The following PLCXD3 variants were observed in gnomAD, a reference collection of about 807,000 sequenced individuals.
The protein encoded by PLCXD3 is phosphatidylinositol specific phospholipase C X domain containing 3.
A neutral mutation model predicts 25.5 loss-of-function variants in PLCXD3; 19 were observed. That is an observed-to-expected ratio of 0.75 (90% confidence interval 0.52 to 1.09). The LOEUF is 1.09. PLCXD3 is among the 50% of genes least tolerant of loss of function. The pLI is 0.00. For synonymous variants in PLCXD3, 174 were observed against 137.6 expected, an observed-to-expected ratio of 1.26 and a Z score of -1.85; for missense variants, 411 against 388.1, an observed-to-expected ratio of 1.06 and a Z score of -0.50.
At chr5:41,407,118 A>G (rs1438963520) in intron 1 of PLCXD3, among the ~76,000 whole-genome samples, 1 of 151,880 alleles carries the variant, frequency 6.6e-6, no homozygotes, top group Non-Finnish European at 1.5e-5. Flanking sequence ...ATCCCTAAGC[A>G]TGGCCCTTTG....
At chr5:41,489,636 G>A (rs558035035) in intron 1 of PLCXD3, among the ~76,000 whole-genome samples, 1 of 151,602 alleles carries the variant, frequency 6.6e-6, no homozygotes, top group South Asian at 2.1e-4. Flanking sequence ...TCCTTGAAGA[G>A]GTCCTTCACA....
At chr5:41,491,634 T>C (rs1748673894) in intron 1 of PLCXD3, among the ~76,000 whole-genome samples, 2 of 152,124 alleles carry the variant, frequency 1.3e-5, no homozygotes, top group Non-Finnish European at 2.9e-5. Flanking sequence ...TGGGTGCATA[T>C]ATATTTAGGA....
At chr5:41,510,214 T>C (rs967603545) in intron 1 of PLCXD3, among the ~76,000 whole-genome samples, 3 of 152,144 alleles carry the variant, frequency 2.0e-5, no homozygotes, top group African/African-American at 7.2e-5. Context: ...GCAGTCACCT[T>C]GACTCTAGCG....
At chr5:41,404,902 A>G (rs746367123) in intron 1 of PLCXD3, among the ~76,000 whole-genome samples, 3 of 152,164 alleles carry the variant, frequency 2.0e-5, no homozygotes, top group Non-Finnish European at 4.4e-5. Flanking sequence ...CAGTATCCAT[A>G]TCCTGACCTT....
rs1489122442 is a variant in PLCXD3, at chr5:41,310,941, A to G, written c.*2676T>C. The G allele has an allele frequency of 6.6e-6, 1 of 152,384 alleles. No individual in the cohort carries two copies. Among genetic ancestry groups the G allele is most frequent in the East Asian group, 1.9e-4 (1 of 5,192 alleles). 9.4% of individuals were successfully genotyped at this position (152,384 alleles called of 1,614,324 possible). A position where few individuals can be genotyped will look rare whatever the true frequency, so the allele number is the denominator to read the frequency against. On this transcript the variant is annotated 3_prime_UTR_variant, in exon 3 of 3. Transcript: ENST00000377801. ...TAGTTAAAAAACTGCACAATTATTC[A>G]AAAGCTTCATCATGTTTGTTTTTTT...
At chr5:41,343,083 C>A (rs1036708045) in intron 2 of PLCXD3, among the ~76,000 whole-genome samples, 5 of 152,030 alleles carry the variant, frequency 3.3e-5, no homozygotes, top group Non-Finnish European at 7.4e-5. Context: ...TCATTATCAT[C>A]AACAAAACTG....
intron 1 of PLCXD3, among the ~76,000 whole-genome samples, chr5:41,467,190 C>T (rs1367542082): frequency 1.3e-5 from 2 of 152,094 alleles, no homozygotes; most frequent in Non-Finnish European, 2.9e-5. Flanking sequence ...TTAAAAATTC[C>T]CTGTTTTCCA....
chr5:41,378,087 C>T (rs888288477), intron 2 of PLCXD3, among the ~76,000 whole-genome samples: 5 of 152,106 alleles, frequency 3.3e-5, no homozygotes, highest in African/African-American at 1.2e-4. Flanking sequence ...GGCTTCATCA[C>T]TTGGTAAGAA....
chr5:41,462,922 A>T (rs1239472354), intron 1 of PLCXD3, among the ~76,000 whole-genome samples: 1 of 152,078 alleles, frequency 6.6e-6, no homozygotes, highest in Non-Finnish European at 1.5e-5. Flanking sequence ...CATTTTTAGT[A>T]GAATGAGAGG....
chr5:41,361,341 G>A (rs1005016970), intron 2 of PLCXD3, among the ~76,000 whole-genome samples: 8 of 152,332 alleles, frequency 5.3e-5, no homozygotes, highest in African/African-American at 1.9e-4. Flanking sequence ...CTTCCCTGCT[G>A]AGAAAGCAGG....
intron 1 of PLCXD3, among the ~76,000 whole-genome samples, chr5:41,478,154 A>C (rs1748320083): frequency 6.6e-6 from 1 of 152,206 alleles, no homozygotes; most frequent in Non-Finnish European, 1.5e-5. Context: ...TTTAAGATGC[A>C]ATGTTGGTTT....
chr5:41,481,289 G>A (rs1050243346), intron 1 of PLCXD3, among the ~76,000 whole-genome samples: 4 of 152,128 alleles, frequency 2.6e-5, no homozygotes, highest in African/African-American at 9.7e-5. Context: ...GTTAATACAT[G>A]TAAGTGACTT....
At chr5:41,492,641 T>C (rs1225318635) in intron 1 of PLCXD3, among the ~76,000 whole-genome samples, 1 of 152,210 alleles carries the variant, frequency 6.6e-6, no homozygotes, top group Admixed American at 6.5e-5. Context: ...TTTCTTTTTA[T>C]TCTTTTTTTC....
chr5:41,445,530 T>C (rs1393181907), intron 1 of PLCXD3, among the ~76,000 whole-genome samples: 1 of 152,142 alleles, frequency 6.6e-6, no homozygotes, highest in Non-Finnish European at 1.5e-5. Flanking sequence ...TTCTCCTCAC[T>C]AGGAAGAGAG....
chr5:41,407,077 G>C (rs574352852), intron 1 of PLCXD3, among the ~76,000 whole-genome samples: 1 of 152,204 alleles, frequency 6.6e-6, no homozygotes, highest in South Asian at 2.1e-4. Flanking sequence ...AGAGTTCTAA[G>C]CTAGCACCAT....
At chr5:41,383,092 T>C (rs762461614) in intron 1 of PLCXD3, among the ~76,000 whole-genome samples, 1 of 152,144 alleles carries the variant, frequency 6.6e-6, no homozygotes, top group African/African-American at 2.4e-5. Flanking sequence ...AGTACCATGC[T>C]GACATATTTA....
chr5:41,391,346 T>C (rs1222430710), intron 1 of PLCXD3, among the ~76,000 whole-genome samples: 3 of 152,136 alleles, frequency 2.0e-5, no homozygotes, highest in Non-Finnish European at 4.4e-5. Flanking sequence ...GAGAGGAGTT[T>C]GTCTTTCATC....
intron 1 of PLCXD3, among the ~76,000 whole-genome samples, chr5:41,473,839 G>A (rs183002782): frequency 6.6e-5 from 10 of 152,240 alleles, no homozygotes; most frequent in African/African-American, 2.2e-4. Flanking sequence ...GCCCACAGAG[G>A]TAACCCCATT....
chr5:41,468,999 T>A (rs1213345106), intron 1 of PLCXD3, among the ~76,000 whole-genome samples: 1 of 152,190 alleles, frequency 6.6e-6, no homozygotes, highest in Middle Eastern at 3.2e-3. Flanking sequence ...TTGGGAATGA[T>A]GTCAGCTACA....
Sources: allele counts gnomAD v4.1 joint callset (sites outside exome capture counted in the v4.1 genomes callset), GRCh38; gene constraint gnomAD v4.1.1; transcripts MANE v1.5; gene names NCBI Gene and HGNC (gene_info 2026-07-23, HGNC 2026-07-21).